DLG2: variants seen among roughly 807,000 people sequenced by gnomAD.
The protein encoded by DLG2 is disks large homolog 2.
In DLG2, 45 loss-of-function variants were observed where a neutral mutation model predicts 132.5. That is an observed-to-expected ratio of 0.34 (90% CI 0.27 to 0.44). The LOEUF is 0.44. Among genes scored for constraint, DLG2 ranks in the 20% least tolerant of loss-of-function variants. DLG2 has a pLI of 1.00. For synonymous variants in DLG2, 424 were observed against 419.6 expected (o/e 1.01, Z -0.13); for missense variants, 1,045 against 1,196.9 (o/e 0.87, Z 1.87).
At chr11:83,757,872 C>A (rs1282686064) in intron 18 of DLG2, among the ~76,000 whole-genome samples, 1 of 152,172 alleles carries the variant, frequency 6.6e-6, no homozygotes, top group African/African-American at 2.4e-5. Flanking sequence ...CTACTCACTT[C>A]CTATAACCAC....
chr11:83,795,162 T>C (rs1445208251), intron 17 of DLG2, among the ~76,000 whole-genome samples: 2 of 152,058 alleles, frequency 1.3e-5, no homozygotes, highest in Admixed American at 1.3e-4. Flanking sequence ...TCCCAGCACT[T>C]TGGGAGGCCG....
intron 6 of DLG2, among the ~76,000 whole-genome samples, chr11:84,735,784 A>G (rs1346712861): frequency 6.6e-6 from 1 of 151,964 alleles, no homozygotes; most frequent in Non-Finnish European, 1.5e-5. Context: ...AGTGCTATAA[A>G]TTTCCCTCTA....
chr11:83,780,756 G>C (rs2094781931), intron 18 of DLG2, among the ~76,000 whole-genome samples: 1 of 152,180 alleles, frequency 6.6e-6, no homozygotes, highest in South Asian at 2.1e-4. Flanking sequence ...GAACTTCTTA[G>C]ATCTCCTGCA....
intron 2 of DLG2, chr11:85,625,230 A>C (rs1221741681): frequency 6.6e-6 from 1 of 152,158 alleles, no homozygotes; most frequent in Non-Finnish European, 1.5e-5. Flanking sequence ...AGTTCAAAAT[A>C]AGGTAATCCA....
At chr11:84,212,417 A>G (rs1225076855) in intron 8 of DLG2, among the ~76,000 whole-genome samples, 1 of 152,172 alleles carries the variant, frequency 6.6e-6, no homozygotes, top group Non-Finnish European at 1.5e-5. Flanking sequence ...AATTGCTGCA[A>G]TCCCCCTTGG....
intron 3 of DLG2, among the ~76,000 whole-genome samples, chr11:85,485,158 C>T (rs1031655267): frequency 1.3e-5 from 2 of 151,216 alleles, no homozygotes; most frequent in Non-Finnish European, 2.9e-5. Context: ...ACAATGAGAA[C>T]ACATGGACAC....
intron 8 of DLG2, among the ~76,000 whole-genome samples, chr11:84,218,157 G>A (rs2096861159): frequency 6.6e-6 from 1 of 151,204 alleles, no homozygotes; most frequent in African/African-American, 2.4e-5. Flanking sequence ...GACAGTGCAG[G>A]CTCTGCTGAA....
At chr11:84,528,910 C>T (rs142797878) in intron 7 of DLG2, among the ~76,000 whole-genome samples, 5 of 152,284 alleles carry the variant, frequency 3.3e-5, no homozygotes, top group Admixed American at 2.6e-4. Flanking sequence ...TCTGATATCA[C>T]AGTACTGTGC....
At chr11:84,703,883 T>TATATATATATATAC (rs1555174924) in intron 6 of DLG2, among the ~76,000 whole-genome samples, 1 of 119,924 alleles carries the variant, frequency 8.3e-6, no homozygotes, top group African/African-American at 4.2e-5. Context: ...TATATATATA[T>TATATATATATATAC]ACACGTGTGT....
intron 8 of DLG2, among the ~76,000 whole-genome samples, chr11:84,204,884 A>G (rs1319583587): frequency 6.6e-6 from 1 of 152,028 alleles, no homozygotes; most frequent in Admixed American, 6.6e-5. Flanking sequence ...TTGTATGATT[A>G]GGAGAGATGG....
At chr11:83,608,285 C>A (rs2059625322) in intron 19 of DLG2, among the ~76,000 whole-genome samples, 1 of 151,920 alleles carries the variant, frequency 6.6e-6, no homozygotes, top group African/African-American at 2.4e-5. Context: ...AACAATGAAG[C>A]TTGATTTATA....
At chr11:84,550,115 TAC>T (rs60598747) in intron 6 of DLG2, among the ~76,000 whole-genome samples, 21,496 of 145,324 alleles carry the variant, frequency 0.15, 1,632 homozygotes, top group African/African-American at 0.2. Flanking sequence ...AACGAGCCTA[TAC>T]ACACACACAC....
chr11:85,021,534 A>T, intron 6 of DLG2: 1 of 1,587,002 alleles, frequency 6.3e-7, no homozygotes, highest in Non-Finnish European at 8.7e-7. Flanking sequence ...CAATTTTGCC[A>T]TACTTCGAAA....
At chr11:85,463,237 G>A (rs2153060856) in intron 3 of DLG2, among the ~76,000 whole-genome samples, 1 of 152,184 alleles carries the variant, frequency 6.6e-6, no homozygotes, top group Non-Finnish European at 1.5e-5. Context: ...TCTCTTTTAT[G>A]GGTCCCATGC....
In DLG2 at chr11:84,472,443, C is replaced by G. The variant is rs188350656; in HGVS notation, c.519+62127G>C. On this transcript the variant is annotated intron_variant, in intron 7 of 27. Transcript: ENST00000376104. The stretch of plus-strand genomic sequence containing the variant: ...GTCTCGATAAGTTTAATATTTGCCT[C>G]TGCTAAATGTTTAATATGTCAGATT... Among the ~76,000 whole-genome samples, 27 of 151,996 alleles carry G rather than the reference C, an allele frequency of 1.8e-4. No homozygotes were observed. The East Asian group carries it at 5.0e-3, about 28-fold the overall frequency.
At chr11:83,480,542 G>T in intron 22 of DLG2, 3 of 1,521,552 alleles carry the variant, frequency 2.0e-6, no homozygotes, top group Non-Finnish European at 2.7e-6. Context: ...AGAGGAGGCT[G>T]CATTAAGAAA....
chr11:85,617,679 T>C (rs778595267), intron 2 of DLG2, among the ~76,000 whole-genome samples: 8 of 152,150 alleles, frequency 5.3e-5, no homozygotes, highest in Non-Finnish European at 1.0e-4. Context: ...TATACACCAG[T>C]TTACCTTTTA....
At chr11:85,508,524 C>T (rs1303324166) in intron 3 of DLG2, among the ~76,000 whole-genome samples, 1 of 151,930 alleles carries the variant, frequency 6.6e-6, no homozygotes, top group Non-Finnish European at 1.5e-5. Context: ...TACCAGCTGA[C>T]CTATTAAATA....
intron 18 of DLG2, among the ~76,000 whole-genome samples, chr11:83,685,982 C>T (rs192178150): frequency 4.9e-4 from 74 of 152,156 alleles, no homozygotes; most frequent in African/African-American, 1.7e-3. Context: ...ATCCTGTCAA[C>T]TCTGTCTTCA....
Sources: gnomAD v4.1 joint callset for allele counts (sites outside exome capture counted in the v4.1 genomes callset) on GRCh38, gnomAD v4.1.1 for gene constraint, MANE v1.5 for transcripts, NCBI Gene and HGNC (gene_info 2026-07-23, HGNC 2026-07-21) for gene names.